Variants in KCNN2 observed in about 807,000 individuals in gnomAD.
KCNN2 encodes small conductance calcium-activated potassium channel protein 2.
Under a neutral mutation model 55.5 loss-of-function variants are expected in KCNN2, and 24 were observed. The ratio of observed to expected loss-of-function variants is 0.43; its 90% CI spans 0.31 to 0.61. The LOEUF (loss-of-function observed/expected upper bound fraction) is 0.61, where lower values mean the gene tolerates loss of function less well. Ranked by LOEUF, KCNN2 falls within the 20% of genes least tolerant of loss-of-function variation. The pLI is 0.08. For synonymous variants in KCNN2, 431 were observed against 336.1 expected, an observed-to-expected ratio of 1.28 and a Z score of -3.09; for missense variants, 754 against 853.6, an observed-to-expected ratio of 0.88 and a Z score of 1.45.
chr5:114,272,350 G>A (rs1223182861), intron 2 of KCNN2, among the ~76,000 whole-genome samples: 1 of 49,290 alleles, frequency 2.0e-5, no homozygotes, highest in African/African-American at 4.8e-5. Flanking sequence ...ATATATGTAT[G>A]TACATACCAT....
chr5:114,220,038 C>A (rs900728850), intron 1 of KCNN2, among the ~76,000 whole-genome samples: 4 of 152,038 alleles, frequency 2.6e-5, no homozygotes, highest in Admixed American at 1.3e-4. Flanking sequence ...AGTTTACAGA[C>A]CTTAAGAAAA....
intron 1 of KCNN2, among the ~76,000 whole-genome samples, chr5:114,187,817 C>CTT (rs1289521116): frequency 4.6e-5 from 6 of 131,276 alleles, no homozygotes; most frequent in African/African-American, 1.5e-4. Context: ...CCTTTTTTTT[C>CTT]TTTTTTTTTT....
intron 2 of KCNN2, among the ~76,000 whole-genome samples, chr5:114,276,465 G>C (rs1219930281): frequency 6.6e-6 from 1 of 151,864 alleles, no homozygotes; most frequent in East Asian, 1.9e-4. Flanking sequence ...TGGGAGTCTG[G>C]GTCTCTTTTT....
At chr5:114,294,178 G>A (rs2150019328) in intron 2 of KCNN2, among the ~76,000 whole-genome samples, 1 of 151,966 alleles carries the variant, frequency 6.6e-6, no homozygotes, top group South Asian at 2.1e-4. Context: ...AGGGTTTTTT[G>A]TGTCTCTATT....
chr5:114,340,199 T>C (rs1756991792), intron 2 of KCNN2, among the ~76,000 whole-genome samples: 1 of 152,162 alleles, frequency 6.6e-6, no homozygotes, highest in Non-Finnish European at 1.5e-5. Flanking sequence ...CTCCCAACAT[T>C]TTTCACCTAC....
chr5:114,288,196 G>A (rs1755795785), intron 2 of KCNN2, among the ~76,000 whole-genome samples: 1 of 152,188 alleles, frequency 6.6e-6, no homozygotes, highest in Non-Finnish European at 1.5e-5. Context: ...TTTTTATGGA[G>A]TGAATAACAT....
intron 2 of KCNN2, among the ~76,000 whole-genome samples, chr5:114,395,616 G>A (rs1758591700): frequency 6.6e-6 from 1 of 152,082 alleles, no homozygotes; most frequent in South Asian, 2.1e-4. Flanking sequence ...ATAGTTCTAC[G>A]GTTAGATTTT....
At chr5:114,454,739 C>A (rs1464405923) in intron 3 of KCNN2, among the ~76,000 whole-genome samples, 1 of 152,142 alleles carries the variant, frequency 6.6e-6, no homozygotes, top group Non-Finnish European at 1.5e-5. Context: ...TCTGTTGATA[C>A]CAGGCAGGGC....
chr5:114,086,192 A>G (rs978531827), intron 1 of KCNN2, among the ~76,000 whole-genome samples: 14 of 152,204 alleles, frequency 9.2e-5, no homozygotes, highest in African/African-American at 3.4e-4. Flanking sequence ...TAGACAGTAT[A>G]TAGCTGTGTG....
intron 2 of KCNN2, among the ~76,000 whole-genome samples, chr5:114,253,133 T>TTTTC (rs1754908714): frequency 4.9e-3 from 1 of 206 alleles, no homozygotes. Flanking sequence ...TCTTGCTTTC[T>TTTTC]TTTTTTTTTT....
At chr5:114,345,346 G>C (rs1487997194) in intron 2 of KCNN2, among the ~76,000 whole-genome samples, 1 of 152,140 alleles carries the variant, frequency 6.6e-6, no homozygotes. Context: ...ATGGGAAAAG[G>C]GCAAAAAGGA....
Position 114,159,317 on chromosome 5 carries a change from A to G in KCNN2, c.-270-62163A>G, listed in dbSNP as rs991095375. ...TGCTGGATTACATTTATTGATTTTC[A>G]TATATTGAACCAGCCTTGCATCCCA... On this transcript the variant is annotated intron_variant, in intron 1 of 10. Coordinates refer to the KCNN2 transcript ENST00000512097. 8.5e-5 allele frequency among the ~76,000 whole-genome samples: 13 copies of G among 152,088 alleles called. 1 individual carries two copies. The highest frequency in any genetic ancestry group is 1.5e-5 in the Non-Finnish European group (1 of 68,020).
intron 2 of KCNN2, among the ~76,000 whole-genome samples, chr5:114,311,981 G>A (rs1467776329): frequency 1.3e-5 from 2 of 152,112 alleles, no homozygotes; most frequent in Non-Finnish European, 2.9e-5. Flanking sequence ...AATATGGAAA[G>A]AAAATCCAAA....
chr5:114,261,668 G>T (rs1020154093), intron 2 of KCNN2, among the ~76,000 whole-genome samples: 1 of 152,178 alleles, frequency 6.6e-6, no homozygotes, highest in African/African-American at 2.4e-5. Context: ...AGGTTGTGGG[G>T]TGAGCAGGCA....
intron 2 of KCNN2, among the ~76,000 whole-genome samples, chr5:114,261,649 T>C (rs895435397): frequency 4.6e-5 from 7 of 152,220 alleles, no homozygotes; most frequent in Non-Finnish European, 8.8e-5. Flanking sequence ...CAGTATACTA[T>C]TAATCATGAG....
intron 1 of KCNN2, among the ~76,000 whole-genome samples, chr5:114,122,787 G>C (rs1025082899): frequency 6.6e-6 from 1 of 152,232 alleles, no homozygotes. Flanking sequence ...GAGAGCAGGA[G>C]ACACCTGGAA....
intron 1 of KCNN2, among the ~76,000 whole-genome samples, chr5:114,116,623 A>G (rs991646097): frequency 6.6e-6 from 1 of 152,158 alleles, no homozygotes; most frequent in Non-Finnish European, 1.5e-5. Flanking sequence ...TCGTGCATAT[A>G]TTGCTAATGA....
Position 114,227,871 on chromosome 5 carries a change from G to GTA in KCNN2, c.-185+6317_-185+6318dup, listed in dbSNP as rs199866929. Among the ~76,000 whole-genome samples, 49 of 151,696 alleles carry GTA rather than the reference G, an allele frequency of 3.2e-4. No individual in the cohort carries two copies. The East Asian group carries it at 8.3e-3, about 26-fold the overall frequency. On this transcript the variant is annotated intron_variant, in intron 2 of 10. Coordinates refer to the KCNN2 transcript ENST00000512097. ...GTAAACATGAAGAGTATATATGAGTGTATATATATATAGTAGGTGAATATA... is the reference window on the plus strand; with the variant it reads ...GTAAACATGAAGAGTATATATGAGTGTATATATATATATAGTAGGTGAATATA...
chr5:114,363,282 C>G (rs754526573), intron 1 of KCNN2, 21 bp downstream of exon 1: 15 of 1,568,100 alleles, frequency 9.6e-6, no homozygotes, highest in Non-Finnish European at 1.1e-5. Flanking sequence ...GAACCCCAGC[C>G]CACGCTACCG....
Sources: allele counts gnomAD v4.1 joint callset (sites outside exome capture counted in the v4.1 genomes callset), GRCh38; gene constraint gnomAD v4.1.1; transcripts MANE v1.5; gene names NCBI Gene and HGNC (gene_info 2026-07-23, HGNC 2026-07-21).